ORC4: variants seen among roughly 807,000 people sequenced by gnomAD.
ORC4 encodes the protein origin recognition complex, subunit 4 homolog.
ORC4 carries 55 observed loss-of-function variants against 63.9 expected under a neutral mutation model. That is an observed-to-expected ratio of 0.86 (90% CI 0.69 to 1.08). The LOEUF is 1.08. ORC4 is among the 50% of genes least tolerant of loss of function. ORC4 has a pLI of 0.00. For synonymous variants in ORC4, 150 were observed against 168.5 expected, an observed-to-expected ratio of 0.89 and a Z score of 0.85; for missense variants, 511 against 504.4, an observed-to-expected ratio of 1.01 and a Z score of -0.13.
At chr2:147,967,051 ACAT>A (rs937592300) in intron 4 of ORC4, among the ~76,000 whole-genome samples, 4 of 152,272 alleles carry the variant, frequency 2.6e-5, no homozygotes, top group African/African-American at 9.6e-5. Flanking sequence ...AAATCAATAA[ACAT>A]CATACACCAC....
At chr2:147,952,999 C>T (rs1689046030) in intron 7 of ORC4, among the ~76,000 whole-genome samples, 1 of 149,876 alleles carries the variant, frequency 6.7e-6, no homozygotes, top group East Asian at 2.0e-4. Context: ...GCACTCCAGC[C>T]TGGGCAACGA....
Position 147,938,366 on chromosome 2 carries a change from A to T in ORC4, c.986T>A (p.Ile329Lys), listed in dbSNP as rs767305708. ...HGLSVLEICL[I>K]IAMKHLNDIY... ...GTCATTTAAATGTTTCATTGCTATT[A>T]TAAGACAGATTTCCAAGACTGATAG... Residue 329 changes from isoleucine (I) to lysine (K), a missense_variant, in exon 12 of 14, where the codon ATA (isoleucine) becomes AAA (lysine). Ile to Lys is a moderately radical substitution (Grantham distance 102). Coordinates refer to ENST00000392857, the MANE Select transcript of ORC4 (RefSeq NM_181741.4). 4.4e-6 allele frequency: 7 copies of T among 1,604,814 alleles called. No homozygotes were observed. The highest frequency in any genetic ancestry group is 1.7e-5 in the Admixed American group (1 of 59,976).
chr2:147,987,070 G>C (rs1374416823), intron 1 of ORC4, among the ~76,000 whole-genome samples: 1 of 151,154 alleles, frequency 6.6e-6, no homozygotes, highest in Admixed American at 6.6e-5. Flanking sequence ...TCACTGTATT[G>C]CACAAGCTGG....
chr2:147,968,153 C>A (rs1355504848), intron 4 of ORC4, among the ~76,000 whole-genome samples: 2 of 151,878 alleles, frequency 1.3e-5, no homozygotes, highest in East Asian at 3.9e-4. Flanking sequence ...CATAATAGAT[C>A]AAAGACCTCA....
chr2:147,986,133 C>T (rs17218889), intron 1 of ORC4, among the ~76,000 whole-genome samples: 1 of 151,952 alleles, frequency 6.6e-6, no homozygotes, highest in Non-Finnish European at 1.5e-5. Context: ...AACTTTCTTC[C>T]CATCGCTAAA....
chr2:147,942,373 T>C (rs1178444276), intron 10 of ORC4, among the ~76,000 whole-genome samples: 1 of 152,140 alleles, frequency 6.6e-6, no homozygotes, highest in Non-Finnish European at 1.5e-5. Context: ...ATTGGTATTA[T>C]GTAAGCTTAA....
At chr2:147,971,827 T>C (rs1320670414) in intron 4 of ORC4, among the ~76,000 whole-genome samples, 3 of 152,062 alleles carry the variant, frequency 2.0e-5, no homozygotes, top group Non-Finnish European at 4.4e-5. Flanking sequence ...TGTGACAATT[T>C]GTGAAATATT....
At chr2:147,973,905 T>G (rs1690372201) in intron 2 of ORC4, among the ~76,000 whole-genome samples, 1 of 152,200 alleles carries the variant, frequency 6.6e-6, no homozygotes. Context: ...CATGAAAAAT[T>G]ATGTCAGATA....
intron 1 of ORC4, among the ~76,000 whole-genome samples, chr2:147,992,730 A>T (rs1691697911): frequency 1.3e-5 from 2 of 152,122 alleles, no homozygotes; most frequent in African/African-American, 4.8e-5. Context: ...GATACTCCAA[A>T]ATAAAGTCCT....
At chr2:147,966,559 G>A (rs981239926) in intron 4 of ORC4, among the ~76,000 whole-genome samples, 4 of 152,082 alleles carry the variant, frequency 2.6e-5, no homozygotes, top group African/African-American at 9.7e-5. Flanking sequence ...AGGATCATTA[G>A]GGACTACTAT....
At chr2:148,015,791 C>G (rs1190100325) in intron 1 of ORC4, among the ~76,000 whole-genome samples, 1 of 151,830 alleles carries the variant, frequency 6.6e-6, no homozygotes, top group Non-Finnish European at 1.5e-5. Flanking sequence ...CAAAGTGGGT[C>G]GTAAAACAGC....
intron 10 of ORC4, among the ~76,000 whole-genome samples, chr2:147,942,501 G>C (rs558578271): frequency 6.6e-6 from 1 of 151,992 alleles, no homozygotes; most frequent in Non-Finnish European, 1.5e-5. Flanking sequence ...AGAGAAACAT[G>C]GTCATGCGAA....
In ORC4 at chr2:147,958,334, C is replaced by A; in HGVS notation, c.351G>T (p.Gln117His). The change falls in exon 6 of 14, where the codon CAG (glutamine) becomes CAT (histidine). Residue 117 changes from glutamine to histidine, a missense_variant. By Grantham distance (24) the Gln-to-His change is conservative. Coordinates refer to ENST00000392857, the MANE Select transcript of ORC4 (RefSeq NM_181741.4). ...DKIALKEITR[Q>H]LNLENVVGDK... ...CTCCAACTACATTTTCCAGATTTAA[C>A]TGCCTTGTGATTTCCTTTAGGGCGA... The A allele has an allele frequency of 6.2e-7, 1 of 1,612,184 alleles. No individual in the cohort carries two copies. The highest frequency in any genetic ancestry group is 8.5e-7 in the Non-Finnish European group (1 of 1,178,694).
rs1054634428 is a variant in ORC4, at chr2:147,931,418, T to C, written c.*4092A>G. The C allele has an allele frequency of 6.6e-6, 1 of 152,144 alleles. No homozygotes were observed. The highest frequency in any genetic ancestry group is 2.1e-4 in the South Asian group (1 of 4,828). The allele number at this position is 152,144 out of a possible 1,614,324, so 9.4% of individuals were successfully genotyped here. ...AATGGTGTTTCCAGTTCTAGATCCC[T>C]GAGGAATCGCCACACTGACTTCCAC... On this transcript the variant is annotated 3_prime_UTR_variant, in exon 14 of 14. Transcript: ENST00000392857.
At chr2:148,004,423 C>G (rs1692499243) in intron 1 of ORC4, among the ~76,000 whole-genome samples, 1 of 152,030 alleles carries the variant, frequency 6.6e-6, no homozygotes, top group Admixed American at 6.6e-5. Flanking sequence ...ATATACAGAC[C>G]AATGGAACAG....
chr2:147,969,237 G>T (rs1473311994), intron 4 of ORC4, among the ~76,000 whole-genome samples: 1 of 151,860 alleles, frequency 6.6e-6, no homozygotes, highest in Non-Finnish European at 1.5e-5. Context: ...GTAACTATAG[G>T]ATGACTATAA....
At chr2:147,962,853 C>T (rs1193305531) in intron 4 of ORC4, among the ~76,000 whole-genome samples, 1 of 152,098 alleles carries the variant, frequency 6.6e-6, no homozygotes, top group Non-Finnish European at 1.5e-5. Context: ...TGCCCACAAT[C>T]AGAGCCTGAA....
intron 4 of ORC4, among the ~76,000 whole-genome samples, chr2:147,962,057 G>C (rs1428820767): frequency 6.6e-6 from 1 of 152,120 alleles, no homozygotes; most frequent in African/African-American, 2.4e-5. Context: ...GAGTGCAGCA[G>C]GGAAGGGGAA....
intron 9 of ORC4, among the ~76,000 whole-genome samples, chr2:147,946,453 A>C (rs1209246482): frequency 1.3e-5 from 2 of 152,068 alleles, no homozygotes; most frequent in African/African-American, 4.8e-5. Context: ...GTAGATCTAA[A>C]AGCTGAAGAT....
Sources: gnomAD v4.1 joint callset for allele counts (sites outside exome capture counted in the v4.1 genomes callset) on GRCh38, gnomAD v4.1.1 for gene constraint, MANE v1.5 for transcripts, NCBI Gene and HGNC (gene_info 2026-07-23, HGNC 2026-07-21) for gene names.